Variants in WDFY2 observed in about 807,000 individuals in gnomAD.
WDFY2 encodes WD repeat and FYVE domain-containing protein 2.
In WDFY2, 36 loss-of-function variants were observed where a neutral mutation model predicts 56.4. That is an observed-to-expected ratio of 0.64 (90% confidence interval 0.49 to 0.84). The LOEUF (loss-of-function observed/expected upper bound fraction) is 0.84. Ranked by LOEUF, WDFY2 falls within the 40% of genes least tolerant of loss-of-function variation. The pLI, the probability that WDFY2 is intolerant of heterozygous loss-of-function variation, is 0.00. For synonymous variants in WDFY2, 176 were observed against 183.7 expected (o/e 0.96, Z 0.34); for missense variants, 444 against 512.2 (o/e 0.87, Z 1.29).
intron 1 of WDFY2, among the ~76,000 whole-genome samples, chr13:51,597,502 C>G (rs1954173255): frequency 6.6e-6 from 1 of 152,112 alleles, no homozygotes; most frequent in Non-Finnish European, 1.5e-5. Flanking sequence ...TTTTCAGGAC[C>G]CGACATTGCT....
intron 3 of WDFY2, among the ~76,000 whole-genome samples, chr13:51,695,956 C>G (rs923538714): frequency 6.6e-6 from 1 of 150,712 alleles, no homozygotes; most frequent in Non-Finnish European, 1.5e-5. Flanking sequence ...ATCAGCAAGA[C>G]TGTGGGCGTA....
At chr13:51,722,080 G>A (rs1331237720) in intron 5 of WDFY2, among the ~76,000 whole-genome samples, 1 of 147,350 alleles carries the variant, frequency 6.8e-6, no homozygotes, top group African/African-American at 2.5e-5. Flanking sequence ...AGTGATGAAG[G>A]GAGGAGGAAG....
intron 1 of WDFY2, 145 bp downstream of exon 1, chr13:51,584,969 G>C: frequency 6.6e-6 from 8 of 1,208,042 alleles, no homozygotes; most frequent in Non-Finnish European, 7.9e-6. Context: ...TGGTGGTGCC[G>C]GTGTTCAGCT....
At chr13:51,680,677 G>C (rs1955961997) in intron 3 of WDFY2, among the ~76,000 whole-genome samples, 1 of 152,102 alleles carries the variant, frequency 6.6e-6, no homozygotes, top group South Asian at 2.1e-4. Context: ...AGTATCCAAG[G>C]ATATTAAAAG....
At chr13:51,717,760 G>A (rs1188826773) in intron 4 of WDFY2, among the ~76,000 whole-genome samples, 1 of 152,132 alleles carries the variant, frequency 6.6e-6, no homozygotes, top group Non-Finnish European at 1.5e-5. Flanking sequence ...TCTTGATGGT[G>A]ACTGGTACTC....
chr13:51,601,677 A>T (rs1006269771), intron 1 of WDFY2, among the ~76,000 whole-genome samples: 1 of 152,180 alleles, frequency 6.6e-6, no homozygotes, highest in East Asian at 1.9e-4. Context: ...TGGCCTCCCA[A>T]CTAGTTTACT....
At chr13:51,604,231 C>T (rs181676438) in intron 1 of WDFY2, among the ~76,000 whole-genome samples, 13 of 152,232 alleles carry the variant, frequency 8.5e-5, no homozygotes, top group African/African-American at 1.7e-4. Flanking sequence ...TAATATTTAT[C>T]GACAAGGTTT....
chr13:51,692,200 A>G (rs921834403), intron 3 of WDFY2, among the ~76,000 whole-genome samples: 2 of 152,144 alleles, frequency 1.3e-5, no homozygotes, highest in African/African-American at 4.8e-5. Flanking sequence ...TCTCTTGCCT[A>G]ATTGCCCTGG....
intron 3 of WDFY2, among the ~76,000 whole-genome samples, chr13:51,679,312 A>G (rs925787928): frequency 6.6e-6 from 1 of 152,210 alleles, no homozygotes; most frequent in African/African-American, 2.4e-5. Flanking sequence ...AGAGATATAT[A>G]TATCTTTATA....
chr13:51,644,976 A>G (rs1955238014), intron 1 of WDFY2, among the ~76,000 whole-genome samples: 1 of 152,160 alleles, frequency 6.6e-6, no homozygotes, highest in Non-Finnish European at 1.5e-5. Context: ...GGTTTAGGTT[A>G]TTTACTATAT....
At chr13:51,745,157 TTACGAGTC>T (rs1566219854) in intron 7 of WDFY2, among the ~76,000 whole-genome samples, 1 of 152,136 alleles carries the variant, frequency 6.6e-6, no homozygotes, top group Non-Finnish European at 1.5e-5. Context: ...AATCATAGAG[TTACGAGTC>T]TGTGCAACTA....
At chr13:51,608,892 A>G (rs909305607) in intron 1 of WDFY2, among the ~76,000 whole-genome samples, 35 of 152,086 alleles carry the variant, frequency 2.3e-4, no homozygotes, top group Admixed American at 6.6e-5. Flanking sequence ...GGTTATTTCC[A>G]GGGCATTTTT....
At chr13:51,666,200 T>C (rs915954434) in intron 2 of WDFY2, among the ~76,000 whole-genome samples, 3 of 152,238 alleles carry the variant, frequency 2.0e-5, no homozygotes, top group Non-Finnish European at 4.4e-5. Flanking sequence ...ATTATTCCTT[T>C]AAATTTGGAG....
chr13:51,702,856 T>C (rs1394256532), intron 3 of WDFY2, among the ~76,000 whole-genome samples: 2 of 152,236 alleles, frequency 1.3e-5, no homozygotes, highest in African/African-American at 4.8e-5. Flanking sequence ...ATTTTGCTTT[T>C]GAATGAAGTC....
intron 1 of WDFY2, chr13:51,590,161 A>G (rs922468632): frequency 3.9e-5 from 6 of 152,200 alleles, no homozygotes; most frequent in African/African-American, 1.4e-4. Context: ...ATTCATCCAC[A>G]TATTGCAATG....
At chr13:51,748,490 G>GC (rs1434765648) in intron 7 of WDFY2, among the ~76,000 whole-genome samples, 3 of 152,186 alleles carry the variant, frequency 2.0e-5, no homozygotes, top group Non-Finnish European at 4.4e-5. Context: ...TAAGACAGGA[G>GC]CACAGGTGTT....
chr13:51,628,933 T>C (rs1434128981), intron 1 of WDFY2, among the ~76,000 whole-genome samples: 1 of 152,244 alleles, frequency 6.6e-6, no homozygotes, highest in South Asian at 2.1e-4. Flanking sequence ...GACTTTTCTG[T>C]TTCTGTGATC....
At position 51,651,919 on chromosome 13, in the gene WDFY2, C is replaced by G. The variant is rs142096848; in HGVS notation, c.138-8677C>G. Reference sequence around the variant, plus strand: ...ATTCTGTAGATGTCTATTAGGTCCGCTTGGTGCAGAGCTGAGTTCAATTCC... The same window carrying G: ...ATTCTGTAGATGTCTATTAGGTCCGGTTGGTGCAGAGCTGAGTTCAATTCC... On this transcript the variant is annotated intron_variant, in intron 1 of 11. Coordinates refer to ENST00000298125, the MANE Select transcript of WDFY2 (RefSeq NM_052950.4). Among the ~76,000 whole-genome samples, 69 of 152,262 alleles carry G rather than the reference C, an allele frequency of 4.5e-4. 2 individuals are homozygous for G. In the East Asian group the frequency reaches 8.5e-3, roughly 19 times the overall value.
chr13:51,641,207 G>A (rs1955148658), intron 1 of WDFY2, among the ~76,000 whole-genome samples: 1 of 151,892 alleles, frequency 6.6e-6, no homozygotes, highest in South Asian at 2.1e-4. Context: ...CGAGTAGCTG[G>A]GATTATAGGC....
Sources: gnomAD v4.1 joint callset for allele counts (sites outside exome capture counted in the v4.1 genomes callset) on GRCh38, gnomAD v4.1.1 for gene constraint, MANE v1.5 for transcripts, NCBI Gene and HGNC (gene_info 2026-07-23, HGNC 2026-07-21) for gene names.